The following ZNF678 variants were observed in gnomAD, a reference collection of about 807,000 sequenced individuals.
ZNF678 encodes zinc finger protein 678.
ZNF678 carries 5 observed loss-of-function variants against 3.0 expected under a neutral mutation model. The observed-to-expected ratio is 1.69, with a 90% CI of 0.88 to 3.56. The LOEUF is 3.56. ZNF678 is among the 30% of genes most tolerant of loss of function. ZNF678 has a pLI of 0.00. For synonymous variants in ZNF678, 218 were observed against 199.6 expected (o/e 1.09, Z -0.78); for missense variants, 593 against 605.0 (o/e 0.98, Z 0.21).
At chr1:227,574,159 A>G (rs986115557) in intron 1 of ZNF678, among the ~76,000 whole-genome samples, 3 of 152,166 alleles carry the variant, frequency 2.0e-5, no homozygotes, top group Non-Finnish European at 4.4e-5. Flanking sequence ...TTTATAATAG[A>G]ATGATTTATA....
intron 1 of ZNF678, among the ~76,000 whole-genome samples, chr1:227,571,716 C>T (rs1366941379): frequency 6.6e-6 from 1 of 152,132 alleles, no homozygotes; most frequent in Non-Finnish European, 1.5e-5. Context: ...TCCTCTGTGA[C>T]CAAGGAAATT....
In ZNF678 at chr1:227,655,017, A is replaced by T. The variant is rs965197887; in HGVS notation, c.767A>T (p.Lys256Met). ...FNKFSNLTQHKRIHTGEKPYK... is the reference protein window; with the variant it reads ...FNKFSNLTQHMRIHTGEKPYK... The stretch of plus-strand genomic sequence containing the variant: ...AAGTTCTCAAACCTTACTCAACATA[A>T]GAGAATTCATACTGGAGAGAAACCT... Residue 256 changes from lysine (K) to methionine (M), a missense_variant, in exon 4 of 4, where the codon AAG (lysine) becomes ATG (methionine). Physicochemically the swap from Lys to Met is moderately conservative, Grantham distance 95. Coordinates refer to ENST00000343776, the MANE Select transcript of ZNF678 (RefSeq NM_001367909.1). 6.2e-7 allele frequency: 1 copy of T among 1,612,194 alleles called. No homozygotes were observed. Among genetic ancestry groups the T allele is most frequent in the Non-Finnish European group, 8.5e-7 (1 of 1,179,360 alleles).
At chr1:227,678,005 A>G (rs542232050), downstream of ZNF678, among the ~76,000 whole-genome samples, 9 of 152,300 alleles carry the variant, frequency 5.9e-5, no homozygotes, top group South Asian at 8.3e-4. Flanking sequence ...TCACAGGGAA[A>G]GACCCCCTAG....
chr1:227,589,095 G>T (rs1657340644), intron 1 of ZNF678, among the ~76,000 whole-genome samples: 1 of 147,498 alleles, frequency 6.8e-6, no homozygotes. Flanking sequence ...TAGGTTGTCT[G>T]TTCACTCTGA....
intron 5 of ZNF678, among the ~76,000 whole-genome samples, chr1:227,669,869 TA>T (rs1451253608): frequency 6.6e-6 from 1 of 152,052 alleles, no homozygotes; most frequent in African/African-American, 2.4e-5. Context: ...AAAATGAAAA[TA>T]AATTATTATA....
chr1:227,590,506 C>T (rs546573821), intron 1 of ZNF678, among the ~76,000 whole-genome samples: 3 of 151,870 alleles, frequency 2.0e-5, no homozygotes, highest in South Asian at 4.2e-4. Flanking sequence ...CCCCACGAGC[C>T]GTCTTGTGCC....
intron 1 of ZNF678, among the ~76,000 whole-genome samples, chr1:227,579,623 C>A (rs1657074594): frequency 6.6e-6 from 1 of 152,110 alleles, no homozygotes; most frequent in African/African-American, 2.4e-5. Flanking sequence ...TGTGCATGGT[C>A]ATAGGGGTCA....
chr1:227,650,249 A>G (rs930355639), intron 2 of ZNF678, among the ~76,000 whole-genome samples: 26 of 152,332 alleles, frequency 1.7e-4, no homozygotes, highest in African/African-American at 6.0e-4. Flanking sequence ...CCCAGCATCA[A>G]TTACTGAAGC....
intron 1 of ZNF678, among the ~76,000 whole-genome samples, chr1:227,580,653 G>T (rs1657102368): frequency 6.6e-6 from 1 of 152,122 alleles, no homozygotes; most frequent in African/African-American, 2.4e-5. Flanking sequence ...CAAAAGGCCA[G>T]GCACGGTGGC....
At chr1:227,634,109 C>T (rs1298067965) in intron 1 of ZNF678, among the ~76,000 whole-genome samples, 1 of 152,178 alleles carries the variant, frequency 6.6e-6, no homozygotes, top group Non-Finnish European at 1.5e-5. Flanking sequence ...CATGACATTT[C>T]TATACACCCG....
At chr1:227,595,943 T>TG (rs1657574743) in intron 1 of ZNF678, among the ~76,000 whole-genome samples, 1 of 152,166 alleles carries the variant, frequency 6.6e-6, no homozygotes, top group Admixed American at 6.5e-5. Flanking sequence ...AGGCACGCTG[T>TG]GGGTGATCAG....
Position 227,655,627 on chromosome 1 carries a change from A to G in ZNF678, c.1377A>G (p.Lys459=), listed in dbSNP as rs1342233288. ...SKHKRIHTEE[K]PYKCEECGKA... ...ATAAGAGAATTCATACTGAAGAGAAACCCTACAAATGTGAAGAATGTGGCA... is the reference window on the plus strand; with the variant it reads ...ATAAGAGAATTCATACTGAAGAGAAGCCCTACAAATGTGAAGAATGTGGCA... Residue 459 remains lysine (K), a synonymous_variant, in exon 4 of 4, where the codon AAA becomes AAG. Transcript: ENST00000343776. 1.2e-6 allele frequency: 2 copies of G among 1,612,692 alleles called. No individual in the cohort carries two copies. The highest frequency in any genetic ancestry group is 1.1e-5 in the South Asian group (1 of 91,038).
intron 1 of ZNF678, among the ~76,000 whole-genome samples, chr1:227,630,130 G>A (rs1658514952): frequency 6.6e-6 from 1 of 152,116 alleles, no homozygotes; most frequent in Non-Finnish European, 1.5e-5. Flanking sequence ...AGATTAGTTG[G>A]CCTTCAATAG....
rs1659221005 is a variant in ZNF678, at chr1:227,655,577, T to C, written c.1327T>C (p.Tyr443His). The C allele has an allele frequency of 6.2e-7, 1 of 1,610,332 alleles. No homozygotes were observed. The highest frequency in any genetic ancestry group is 1.1e-5 in the South Asian group (1 of 90,932). ...ATGTAAAGAATGTGGCAAAGCTTTTTACCAATCCTCAATCCTTAGTAAGCA... is the reference window on the plus strand; with the variant it reads ...ATGTAAAGAATGTGGCAAAGCTTTTCACCAATCCTCAATCCTTAGTAAGCA... ...YKCKECGKAF[Y>H]QSSILSKHKR... The change falls in exon 4 of 4, where the codon TAC (tyrosine) becomes CAC (histidine). Residue 443 changes from tyrosine (Y) to histidine (H), a missense_variant. Physicochemically the swap from Tyr to His is moderately conservative, Grantham distance 83. Transcript: ENST00000343776.
intron 1 of ZNF678, among the ~76,000 whole-genome samples, chr1:227,619,947 A>G (rs1402959413): frequency 2.0e-5 from 3 of 152,212 alleles, no homozygotes; most frequent in African/African-American, 7.2e-5. Context: ...TTTTTCAGCA[A>G]ACCCCACACA....
intron 1 of ZNF678, among the ~76,000 whole-genome samples, chr1:227,617,391 C>G (rs138537859): frequency 6.6e-6 from 1 of 152,346 alleles, no homozygotes; most frequent in Non-Finnish European, 1.5e-5. Flanking sequence ...AAACCACTGT[C>G]TCTCTCCAAG....
downstream of ZNF678, among the ~76,000 whole-genome samples, chr1:227,665,799 A>G (rs975011116): frequency 1.3e-5 from 2 of 152,164 alleles, no homozygotes; most frequent in African/African-American, 2.4e-5. Context: ...TTTCTAGTCA[A>G]TAATCTTGTG....
At chr1:227,637,332 GA>G (rs1205344892) in intron 1 of ZNF678, among the ~76,000 whole-genome samples, 2 of 152,198 alleles carry the variant, frequency 1.3e-5, no homozygotes, top group East Asian at 3.9e-4. Flanking sequence ...AGGCAGAGAT[GA>G]GACTTAGTAC....
intron 5 of ZNF678, among the ~76,000 whole-genome samples, chr1:227,672,419 C>T (rs1157022381): frequency 6.6e-6 from 1 of 151,978 alleles, no homozygotes; most frequent in African/African-American, 2.4e-5. Flanking sequence ...GATTGGGAGG[C>T]TCAGGGTACT....
Sources: allele counts gnomAD v4.1 joint callset (sites outside exome capture counted in the v4.1 genomes callset), GRCh38; gene constraint gnomAD v4.1.1; transcripts MANE v1.5; gene names NCBI Gene and HGNC (gene_info 2026-07-23, HGNC 2026-07-21).